The following DNAH17 variants were observed in gnomAD, a reference collection of about 807,000 sequenced individuals.
DNAH17 encodes axonemal beta dynein heavy chain 17.
In DNAH17, 376 loss-of-function variants were observed where a neutral mutation model predicts 485.6. That is an observed-to-expected ratio of 0.77 (90% CI 0.71 to 0.84). DNAH17 has a LOEUF of 0.84. DNAH17 is among the 40% of genes least tolerant of loss of function. DNAH17 has a pLI of 0.00. For synonymous variants in DNAH17, 3,031 were observed against 2,405.9 expected, an observed-to-expected ratio of 1.26 and a Z score of -7.60; for missense variants, 6,370 against 5,839.3, an observed-to-expected ratio of 1.09 and a Z score of -2.96.
chr17:78,524,813 G>T (rs1049434482), intron 25 of DNAH17, among the ~76,000 whole-genome samples, 196 bp downstream of exon 25: 6 of 152,206 alleles, frequency 3.9e-5, no homozygotes, highest in Admixed American at 2.6e-4. Context: ...CATACAGAGA[G>T]AGGTGAACAT....
chr17:78,551,939 G>A (rs1209896034), intron 15 of DNAH17, among the ~76,000 whole-genome samples: 1 of 150,704 alleles, frequency 6.6e-6, no homozygotes, highest in Non-Finnish European at 1.5e-5. Context: ...CTCCAGCCCA[G>A]GCAACAGAGT....
intron 52 of DNAH17, 119 bp from the exon 53 acceptor site, chr17:78,475,952 C>G (rs2088997172): frequency 8.4e-7 from 1 of 1,186,244 alleles, no homozygotes. Context: ...GGGTCCCAGG[C>G]CAAGTCTCCA....
rs902123442 is a variant in DNAH17 at position 78,495,909 on chromosome 17, C to T, written c.5869G>A (p.Ala1957Thr). 1.5e-5 allele frequency: 25 copies of T among 1,613,766 alleles called. No homozygotes were observed. Among genetic ancestry groups the T allele is most frequent in the Admixed American group, 5.0e-5 (3 of 59,998 alleles). Residue 1957 changes from alanine to threonine, a missense_variant, in exon 38 of 81, where the codon GCG (alanine) becomes ACG (threonine). Ala to Thr is a moderately conservative substitution (Grantham distance 58). Coordinates refer to ENST00000389840, the MANE Select transcript of DNAH17 (RefSeq NM_173628.4). ...ITMNPGYAGR[A>T]ELPENLKALF... ...GCTTTTAGGTTCTCAGGCAGCTCCGCGCGTCCGGCGTACCCAGGGTTCATG... is the reference window on the plus strand; with the variant it reads ...GCTTTTAGGTTCTCAGGCAGCTCCGTGCGTCCGGCGTACCCAGGGTTCATG...
At position 78,553,381 on chromosome 17, in the gene DNAH17, A is replaced by T. The variant is rs183715078; in HGVS notation, c.2179-576T>A. 1.7e-4 allele frequency among the ~76,000 whole-genome samples: 22 copies of T among 132,184 alleles called. No individual in the cohort carries two copies. In the Admixed American group the frequency reaches 2.0e-3, roughly 12 times the overall value. The allele number at this position is 132,184 out of a possible 152,430, so 86.7% of individuals were successfully genotyped here. A position where few individuals can be genotyped will look rare whatever the true frequency, so the allele number is the denominator to read the frequency against. On this transcript the variant is annotated intron_variant, in intron 14 of 80. Coordinates refer to ENST00000389840, the MANE Select transcript of DNAH17 (RefSeq NM_173628.4). ...CAGTGGCGTGATCTTGGCTCACTGC[A>T]ATCTCTGCCTCCCGGGTTCAAGCAA...
chr17:78,543,878 C>T lies in DNAH17; in HGVS notation c.2511G>A (p.Val837=), dbSNP rs1206195118. 1.1e-5 allele frequency: 18 copies of T among 1,614,058 alleles called. No individual in the cohort carries two copies. The South Asian group carries it at 1.9e-4, about 17-fold the overall frequency. Residue 837 remains valine, a synonymous_variant, in exon 17 of 81, where the codon GTG becomes GTA. Transcript: ENST00000389840. ...KRYAAVRDAG[V]KIQAMVAENA... ...TTACTGCAACCATGGCTTGGATCTT[C>T]ACTCCAGCATCCCTGACTGCTGCGT... is the stretch of plus-strand genomic sequence containing the variant.
chr17:78,542,308 T>C (rs962488395), intron 17 of DNAH17, among the ~76,000 whole-genome samples: 2 of 151,996 alleles, frequency 1.3e-5, no homozygotes, highest in African/African-American at 4.8e-5. Flanking sequence ...CCACTATACC[T>C]GGCTAATTTT....
At chr17:78,576,380 G>A (rs1252760397) in intron 1 of DNAH17, among the ~76,000 whole-genome samples, 1 of 152,152 alleles carries the variant, frequency 6.6e-6, no homozygotes, top group Admixed American at 6.6e-5. Context: ...GAGAGGACTT[G>A]GGGAATATTT....
intron 25 of DNAH17, among the ~76,000 whole-genome samples, chr17:78,517,646 T>C (rs1225464708): frequency 6.6e-6 from 1 of 152,162 alleles, no homozygotes; most frequent in Non-Finnish European, 1.5e-5. Flanking sequence ...TCTCCCTGAA[T>C]ATCACCCTCT....
In DNAH17 at chr17:78,526,948, T is replaced by G. The variant is rs747502075; in HGVS notation, c.3556A>C (p.Lys1186Gln). 1 of 1,589,356 alleles carries G rather than the reference T, an allele frequency of 6.3e-7. No homozygotes were observed. The highest frequency in any genetic ancestry group is 1.1e-5 in the South Asian group (1 of 87,144). The change falls in exon 23 of 81, where the codon AAG (lysine) becomes CAG (glutamine). Residue 1186 changes from lysine (K) to glutamine (Q), a missense_variant. Transcript: ENST00000389840. ...ANTKKLAIQV[K>Q]LTVAPLQANE... ...GCCTGGAGTGGTGCCACGGTCAGCT[T>G]CACCTGAATGGCCAGTTTCTTGGTA...
rs60587420 is a variant in DNAH17 at position 78,553,283 on chromosome 17, GTTTTT to G, written c.2179-483_2179-479del. Reference sequence around the variant, plus strand: ...AAATTACCCAGTCCCAGGTTTTTGTGTTTTTTTTTTTTTTTTTTTTTTTTTTTTTT... The same window carrying G: ...AAATTACCCAGTCCCAGGTTTTTGTGTTTTTTTTTTTTTTTTTTTTTTTTT... On this transcript the variant is annotated intron_variant, in intron 14 of 80. Coordinates refer to ENST00000389840, the MANE Select transcript of DNAH17 (RefSeq NM_173628.4). 2.0e-3 allele frequency among the ~76,000 whole-genome samples: 100 copies of G among 51,000 alleles called. 1 individual carries two copies. Among genetic ancestry groups the G allele is most frequent in the Middle Eastern group, 0.015 (1 of 68 alleles). 33.5% of individuals were successfully genotyped at this position (51,000 alleles called of 152,430 possible). A position where few individuals can be genotyped will look rare whatever the true frequency, so the allele number is the denominator to read the frequency against.
chr17:78,561,829 T>A lies in DNAH17; in HGVS notation c.1721A>T (p.Asn574Ile). 1 of 1,613,908 alleles carries A rather than the reference T, an allele frequency of 6.2e-7. No homozygotes were observed. Among genetic ancestry groups the A allele is most frequent in the Non-Finnish European group, 8.5e-7 (1 of 1,179,858 alleles). ...DAQMAASEEG[N>I]IPLIHKNMPP... ...CATGTTTTTGTGGATCAGGGGGATG[T>A]TCCCCTCCTCGGAGGCCGCCATCTG... Residue 574 changes from asparagine (N) to isoleucine (I), a missense_variant, in exon 12 of 81, where the codon AAC becomes ATC. Coordinates refer to ENST00000389840, the MANE Select transcript of DNAH17 (RefSeq NM_173628.4).
At chr17:78,435,363 G>T (rs990058725) in intron 74 of DNAH17, among the ~76,000 whole-genome samples, 1 of 152,098 alleles carries the variant, frequency 6.6e-6, no homozygotes, top group Non-Finnish European at 1.5e-5. Context: ...ACCCACCACC[G>T]CTTCTTCCTG....
At chr17:78,496,158 T>TA (rs2090062622) in intron 37 of DNAH17, 126 bp from the exon 38 acceptor site, 6 of 1,063,070 alleles carry the variant, frequency 5.6e-6, no homozygotes, top group Admixed American at 3.0e-5. Flanking sequence ...CCTCCTAGTT[T>TA]ATTTTTTAAA....
At chr17:78,571,142 T>C in intron 5 of DNAH17, 109 bp from the exon 6 acceptor site, 1 of 1,290,860 alleles carries the variant, frequency 7.7e-7, no homozygotes, top group Non-Finnish European at 1.1e-6. Context: ...AAATGGGGCC[T>C]TTCTCAAGTG....
At chr17:78,525,503 TTAAG>T (rs1170633533) in intron 24 of DNAH17, among the ~76,000 whole-genome samples, 1 of 152,260 alleles carries the variant, frequency 6.6e-6, no homozygotes, top group African/African-American at 2.4e-5. Flanking sequence ...TAAAAATGAC[TTAAG>T]TAATGCTTTG....
At chr17:78,447,777 T>C (rs1292010491) in intron 69 of DNAH17, among the ~76,000 whole-genome samples, 1 of 152,172 alleles carries the variant, frequency 6.6e-6, no homozygotes, top group East Asian at 1.9e-4. Context: ...AAGTTTGAGT[T>C]TGAATTGAAA....
intron 14 of DNAH17, among the ~76,000 whole-genome samples, chr17:78,556,737 G>T (rs769251662): frequency 6.6e-6 from 1 of 152,030 alleles, no homozygotes; most frequent in Admixed American, 6.6e-5. Context: ...TTGTAAAAGC[G>T]AAAACTGAAA....
Position 78,555,543 on chromosome 17 carries a change from CA to C in DNAH17, c.2178+2564del, listed in dbSNP as rs765954549. Among the ~76,000 whole-genome samples, 694 of 77,600 alleles carry C rather than the reference CA, an allele frequency of 8.9e-3. 4 individuals carry two copies. The highest frequency in any genetic ancestry group is 0.035 in the African/African-American group (613 of 17,726). The allele number at this position is 77,600 out of a possible 152,430, so 50.9% of individuals were successfully genotyped here. A position where few individuals can be genotyped will look rare whatever the true frequency, so the allele number is the denominator to read the frequency against. ...CGGGGAGAGGAGCAAGATTCCGTCA[CA>C]AAAAAAAAAAAAAAAAAAAAAAGAG... On this transcript the variant is annotated intron_variant, in intron 14 of 80. Transcript: ENST00000389840.
chr17:78,431,255 GTCA>G (rs1287198137), intron 75 of DNAH17, among the ~76,000 whole-genome samples: 2 of 152,192 alleles, frequency 1.3e-5, no homozygotes, highest in African/African-American at 4.8e-5. Flanking sequence ...TCTCTGTCTG[GTCA>G]TCACAACTGT....
Sources: gnomAD v4.1 joint callset for allele counts (sites outside exome capture counted in the v4.1 genomes callset) on GRCh38, gnomAD v4.1.1 for gene constraint, MANE v1.5 for transcripts, NCBI Gene and HGNC (gene_info 2026-07-23, HGNC 2026-07-21) for gene names.